ATAD2B: variants seen among roughly 807,000 people sequenced by gnomAD.
The protein encoded by ATAD2B is ATPase family AAA domain containing 2B.
A neutral mutation model predicts 167.6 loss-of-function variants in ATAD2B; 40 were observed. That is an observed-to-expected ratio of 0.24 (90% confidence interval 0.19 to 0.31). ATAD2B has a LOEUF of 0.31. Among genes scored for constraint, ATAD2B ranks in the 10% least tolerant of loss-of-function variants. The pLI, the probability that ATAD2B is intolerant of heterozygous loss-of-function variation, is 1.00. For synonymous variants in ATAD2B, 579 were observed against 596.5 expected (o/e 0.97, Z 0.43); for missense variants, 1,242 against 1,757.2 (o/e 0.71, Z 5.24).
At chr2:23,780,267 TTGTGTGTGTGTG>T (rs67788174) in intron 22 of ATAD2B, among the ~76,000 whole-genome samples, 32 of 144,084 alleles carry the variant, frequency 2.2e-4, no homozygotes, top group Middle Eastern at 3.5e-3. Context: ...AAGTATATAC[TTGTGTGTGTGTG>T]TGTGTGTGTG....
the ATAD2B span, among the ~76,000 whole-genome samples, chr2:23,739,077 T>G: frequency 6.6e-6 from 1 of 152,034 alleles, no homozygotes; most frequent in African/African-American, 2.4e-5. Flanking sequence ...ACAAAGAGAC[T>G]TACACTCCCA....
chr2:23,878,025 A>AAAAAAAAAAAAAAAAAAAAAAAAAAG (rs1558714074), intron 7 of ATAD2B, among the ~76,000 whole-genome samples: 9 of 106,956 alleles, frequency 8.4e-5, no homozygotes, highest in Admixed American at 2.9e-4. Flanking sequence ...AAAAAAAAAA[A>AAAAAAAAAAAAAAAAAAAAAAAAAAG]AAAAAAAAAA....
intron 1 of ATAD2B, among the ~76,000 whole-genome samples, chr2:23,897,873 C>T (rs1217439246): frequency 6.6e-6 from 1 of 152,186 alleles, no homozygotes; most frequent in Non-Finnish European, 1.5e-5. Context: ...ACTACGTGTG[C>T]TCACTGTTAC....
intron 1 of ATAD2B, among the ~76,000 whole-genome samples, chr2:23,917,112 C>G (rs907396168): frequency 6.6e-6 from 1 of 152,192 alleles, no homozygotes; most frequent in Admixed American, 6.5e-5. Flanking sequence ...CAAAAAGAAC[C>G]AAAAATGTTT....
chr2:23,863,401 G>C lies in ATAD2B; in HGVS notation c.1459C>G (p.Leu487Val). ...SKWVGESERQ[L>V]RLLFDQAYLM... The stretch of plus-strand genomic sequence containing the variant: ...CTTACCTGATCAAAAAGAAGCCTAA[G>C]TTGCCTTTCAGATTCACCAACCCAC... Residue 487 changes from leucine (L) to valine (V), a missense_variant, in exon 12 of 28, where the codon CTT becomes GTT. Physicochemically the swap from Leu to Val is conservative, Grantham distance 32 (BLOSUM62 1). Transcript: ENST00000238789. The C allele has an allele frequency of 6.4e-7, 1 of 1,552,162 alleles. No homozygotes were observed. Among genetic ancestry groups the C allele is most frequent in the Non-Finnish European group, 8.7e-7 (1 of 1,147,082 alleles).
chr2:23,825,820 G>C (rs1257403769), intron 15 of ATAD2B, among the ~76,000 whole-genome samples: 1 of 152,058 alleles, frequency 6.6e-6, no homozygotes, highest in Non-Finnish European at 1.5e-5. Flanking sequence ...TTAGCCACTA[G>C]AAGGCATTTT....
intron 1 of ATAD2B, among the ~76,000 whole-genome samples, chr2:23,926,121 T>G (rs1704755707): frequency 6.6e-6 from 1 of 152,166 alleles, no homozygotes; most frequent in African/African-American, 2.4e-5. Context: ...GAGAGTAAGC[T>G]GGAGTTAGAC....
intron 18 of ATAD2B, among the ~76,000 whole-genome samples, chr2:23,802,990 T>C (rs1247270520): frequency 6.6e-6 from 1 of 152,180 alleles, no homozygotes; most frequent in African/African-American, 2.4e-5. Flanking sequence ...AATGTATTAA[T>C]TGAATGAAAC....
chr2:23,814,158 T>A (rs1686064526), intron 17 of ATAD2B, among the ~76,000 whole-genome samples: 1 of 152,146 alleles, frequency 6.6e-6, no homozygotes, highest in Non-Finnish European at 1.5e-5. Context: ...GAATGGTTCT[T>A]AATGTATAAA....
the ATAD2B span, among the ~76,000 whole-genome samples, chr2:23,717,089 C>T: frequency 6.6e-6 from 1 of 152,314 alleles, no homozygotes; most frequent in South Asian, 2.1e-4. Context: ...AACCTAAAGA[C>T]CACTGGACAA....
At position 23,833,941 on chromosome 2, in the gene ATAD2B, A is replaced by G. The variant is rs778820382; in HGVS notation, c.1706T>C (p.Leu569Pro). 3.1e-6 allele frequency: 5 copies of G among 1,605,020 alleles called. No individual in the cohort carries two copies. Among genetic ancestry groups the G allele is most frequent in the Non-Finnish European group, 4.2e-6 (5 of 1,177,650 alleles). The change falls in exon 14 of 28, where the codon CTC (leucine) becomes CCC (proline). Residue 569 changes from leucine (L) to proline (P), a missense_variant. Leu to Pro is a moderately conservative substitution (Grantham distance 98, BLOSUM62 -3). This residue lies in a region of ATAD2B where 151 missense variants were observed against 284.1 expected (regional missense o/e 0.53). Coordinates refer to ENST00000238789, the MANE Select transcript of ATAD2B (RefSeq NM_017552.4). ...TACCTTTTGATCAGGCAGGTTGAAG[A>G]GGAATTCTCTGTCAAAACGACCAGG... Reference protein sequence around the residue: ...RRPGRFDREFLFNLPDQKARK... With the variant: ...RRPGRFDREFPFNLPDQKARK...
chr2:23,804,742 C>T (rs1236677802), intron 18 of ATAD2B, among the ~76,000 whole-genome samples: 3 of 151,410 alleles, frequency 2.0e-5, no homozygotes, highest in Admixed American at 6.6e-5. Context: ...GTTTCCTTAC[C>T]TTTACTTAAA....
At chr2:23,879,554 T>C (rs1199610575) in intron 7 of ATAD2B, among the ~76,000 whole-genome samples, 1 of 152,104 alleles carries the variant, frequency 6.6e-6, no homozygotes, top group Non-Finnish European at 1.5e-5. Flanking sequence ...CTGTAGTGTA[T>C]TATATTTGTG....
At chr2:23,806,418 T>C (rs1300490498) in intron 18 of ATAD2B, among the ~76,000 whole-genome samples, 1 of 152,224 alleles carries the variant, frequency 6.6e-6, no homozygotes, top group Admixed American at 6.5e-5. Context: ...GAATAGTCTC[T>C]TCTGTTCTAT....
the ATAD2B span, among the ~76,000 whole-genome samples, chr2:23,712,371 A>C: frequency 6.6e-6 from 1 of 152,208 alleles, no homozygotes; most frequent in Non-Finnish European, 1.5e-5. Flanking sequence ...CAACATAATG[A>C]AGGATTTGGC....
intron 19 of ATAD2B, among the ~76,000 whole-genome samples, chr2:23,791,598 A>T (rs927727686): frequency 1.3e-5 from 2 of 152,118 alleles, no homozygotes; most frequent in South Asian, 4.1e-4. Flanking sequence ...TACACTTATC[A>T]TCCATTTACA....
intron 4 of ATAD2B, among the ~76,000 whole-genome samples, chr2:23,887,242 C>A (rs960312861): frequency 6.6e-6 from 1 of 151,778 alleles, no homozygotes; most frequent in Non-Finnish European, 1.5e-5. Context: ...CCAGCCTGGG[C>A]GAGGGATTGA....
At chr2:23,681,667 A>G in the ATAD2B span, among the ~76,000 whole-genome samples, 6 of 152,136 alleles carry the variant, frequency 3.9e-5, no homozygotes, top group African/African-American at 1.4e-4. The surrounding 1 kb of genome is among the most constrained non-coding windows in gnomAD (Gnocchi z 4.2). Flanking sequence ...AGAGGCCCAG[A>G]AAGCTGGGGT....
At chr2:23,687,804 G>T in the ATAD2B span, among the ~76,000 whole-genome samples, 1 of 152,182 alleles carries the variant, frequency 6.6e-6, no homozygotes, top group Non-Finnish European at 1.5e-5. Context: ...TGCAGGGCCG[G>T]GTATGAGGGT....
Sources: allele counts gnomAD v4.1 joint callset (sites outside exome capture counted in the v4.1 genomes callset), GRCh38; gene constraint gnomAD v4.1.1; regional missense constraint gnomAD v4.1.1; non-coding constraint Gnocchi (gnomAD v3.1); transcripts MANE v1.5; gene names NCBI Gene and HGNC (gene_info 2026-07-23, HGNC 2026-07-21).